The following TTC5 variants were observed in gnomAD, a reference collection of about 807,000 sequenced individuals.
TTC5 encodes the protein tetratricopeptide repeat protein 5.
In TTC5, 46 loss-of-function variants were observed where a neutral mutation model predicts 57.4. The ratio of observed to expected loss-of-function variants is 0.80; its 90% CI spans 0.63 to 1.03. The LOEUF (loss-of-function observed/expected upper bound fraction) is 1.03. TTC5 is among the 50% of genes least tolerant of loss of function. The pLI is 0.00. For synonymous variants in TTC5, 190 were observed against 203.5 expected (o/e 0.93, Z 0.57); for missense variants, 504 against 528.1 (o/e 0.95, Z 0.45).
At position 20,291,723 on chromosome 14, in the gene TTC5, T is replaced by C. The variant is rs187409447; in HGVS notation, c.1203+260A>G. Among the ~76,000 whole-genome samples, 495 of 152,238 alleles carry C rather than the reference T, an allele frequency of 3.3e-3. 3 individuals carry two copies. The highest frequency in any genetic ancestry group is 0.012 in the African/African-American group (480 of 41,546). On this transcript the variant is annotated intron_variant, in intron 9 of 9. Coordinates refer to ENST00000258821, the MANE Select transcript of TTC5 (RefSeq NM_138376.3). Reference sequence around the variant, plus strand: ...AAGACTTCAGGTATATACACCAAACTGTTAACAGTAACAGTTAAAAGGCAG... The same window carrying C: ...AAGACTTCAGGTATATACACCAAACCGTTAACAGTAACAGTTAAAAGGCAG...
chr14:20,295,364 C>CG lies in TTC5; in HGVS notation c.1005dup (p.Val336ArgfsTer9). 6.2e-7 allele frequency: 1 copy of CG among 1,614,146 alleles called. No individual in the cohort carries two copies. Among genetic ancestry groups the CG allele is most frequent in the Non-Finnish European group, 8.5e-7 (1 of 1,180,044 alleles). On this transcript the variant is annotated frameshift_variant, in exon 8 of 10. Coordinates refer to ENST00000258821, the MANE Select transcript of TTC5 (RefSeq NM_138376.3). LOFTEE classifies it high-confidence loss of function. ...CTAAATACCACCTTTCCCAGGATGA[C>CG]GGCACCGCTGTTCACCCCAGGCTGA...
At chr14:20,291,832 AT>A in intron 9 of TTC5, 150 bp downstream of exon 9, 1 of 548,964 alleles carries the variant, frequency 1.8e-6, no homozygotes, top group Non-Finnish European at 2.6e-6. Context: ...ATACATATAT[AT>A]ATATAAATAA....
chr14:20,296,101 T>C (rs573568192), intron 6 of TTC5, among the ~76,000 whole-genome samples: 12 of 152,330 alleles, frequency 7.9e-5, no homozygotes, highest in African/African-American at 2.6e-4. Context: ...TTAAGTTGTA[T>C]ATATTGGCTC....
At chr14:20,302,604 C>T (rs1374506840) in intron 1 of TTC5, among the ~76,000 whole-genome samples, 1 of 152,110 alleles carries the variant, frequency 6.6e-6, no homozygotes, top group Admixed American at 6.5e-5. Context: ...CTTCTGGCTG[C>T]CTTGGATTTT....
intron 6 of TTC5, 50 bp downstream of exon 6, chr14:20,296,340 A>C (rs761314083): frequency 1.5e-6 from 2 of 1,372,230 alleles, no homozygotes. Flanking sequence ...GCTAAGACAT[A>C]GGTGTCTTAT....
intron 1 of TTC5, chr14:20,305,383 T>A (rs1882269253): frequency 6.5e-6 from 1 of 154,926 alleles, no homozygotes; most frequent in Admixed American, 6.4e-5. Context: ...TCTGGACCCC[T>A]CTGCATCAGA....
intron 1 of TTC5, among the ~76,000 whole-genome samples, chr14:20,302,873 G>A (rs1246243148): frequency 6.6e-6 from 1 of 151,978 alleles, no homozygotes; most frequent in Non-Finnish European, 1.5e-5. Context: ...TGTATAAAGT[G>A]TAAATGAAAC....
At position 20,300,791 on chromosome 14, in the gene TTC5, AG is replaced by A; in HGVS notation, c.211del (p.Leu71Ter). On this transcript the variant is annotated frameshift_variant, in exon 3 of 10. Transcript: ENST00000258821. LOFTEE classifies it high-confidence loss of function. ...VGSVQGKAQV[L>X]MLTGKALNVT... is the part of the protein sequence containing the mutation. ...ATTTAGTGCTTTCCCAGTTAGCATT[AG>A]AACTTGTGCCTTGCCCTGGACAGAA... 1 of 1,614,162 alleles carries A rather than the reference AG, an allele frequency of 6.2e-7. No individual in the cohort carries two copies. The highest frequency in any genetic ancestry group is 8.5e-7 in the Non-Finnish European group (1 of 1,180,022).
chr14:20,305,116 TA>T (rs1184285284), intron 1 of TTC5, among the ~76,000 whole-genome samples: 2 of 152,228 alleles, frequency 1.3e-5, no homozygotes, highest in Admixed American at 1.3e-4. Flanking sequence ...TGGAACACTC[TA>T]AAAAGTGTTA....
chr14:20,301,956 C>T lies in TTC5; in HGVS notation c.61G>A (p.Asp21Asn), dbSNP rs771356178. The change falls in exon 2 of 10, where the codon GAT becomes AAT. Residue 21 changes from aspartate (D) to asparagine (N), a missense_variant. Transcript: ENST00000258821. ...CAGTCTCGAAATGAGTAGAGCTGAT[C>T]CACGAGTTCCTAAAAAGTATGACAA... ...PILQKLQELVDQLYSFRDCYF... is the reference protein window; with the variant it reads ...PILQKLQELVNQLYSFRDCYF... 1 of 1,613,958 alleles carries T rather than the reference C, an allele frequency of 6.2e-7. No homozygotes were observed. Among genetic ancestry groups the T allele is most frequent in the Non-Finnish European group, 8.5e-7 (1 of 1,179,930 alleles).
At chr14:20,305,733 G>C in intron 1 of TTC5, 154 bp downstream of exon 1, 1 of 733,516 alleles carries the variant, frequency 1.4e-6, no homozygotes, top group Non-Finnish European at 2.3e-6. Context: ...TCCCTGGCTG[G>C]CTGCGGCTGC....
In TTC5 at chr14:20,299,352, C is replaced by T. The variant is rs778713240; in HGVS notation, c.493G>A (p.Val165Ile). ...DEHSHHVMDS[V>I]RQAKLAVQMD... Reference sequence around the variant, plus strand: ...TGAACAGCCAACTTAGCCTGTCGGACACTGTCCATGACATGGTGAGAATGT... The same window carrying T: ...TGAACAGCCAACTTAGCCTGTCGGATACTGTCCATGACATGGTGAGAATGT... Residue 165 changes from valine to isoleucine, a missense_variant, in exon 4 of 10, where the codon GTC becomes ATC. Val to Ile is a conservative substitution (Grantham distance 29). Transcript: ENST00000258821. 6.2e-7 allele frequency: 1 copy of T among 1,614,148 alleles called. No individual in the cohort carries two copies. The highest frequency in any genetic ancestry group is 1.1e-5 in the South Asian group (1 of 91,080).
At chr14:20,300,157 T>TA (rs1566391974) in intron 3 of TTC5, among the ~76,000 whole-genome samples, 1 of 73,810 alleles carries the variant, frequency 1.4e-5, no homozygotes, top group African/African-American at 6.0e-5. Context: ...ATATATATAT[T>TA]TTTTTTTTTT....
In TTC5 at chr14:20,288,538, C is replaced by A. The variant is rs1204128578; in HGVS notation, c.*1089G>T. 1 of 152,304 alleles carries A rather than the reference C, an allele frequency of 6.6e-6. No individual in the cohort carries two copies. The highest frequency in any genetic ancestry group is 6.5e-5 in the Admixed American group (1 of 15,292). 9.4% of individuals were successfully genotyped at this position (152,304 alleles called of 1,614,324 possible). ...TTCAAGCAATTCTCTGCCTCAGCCT[C>A]CCCAGTAGCTGTGATTACAGGTGCC... On this transcript the variant is annotated 3_prime_UTR_variant, in exon 10 of 10. Transcript: ENST00000258821.
intron 2 of TTC5, 141 bp from the exon 3 acceptor site, chr14:20,300,959 C>A (rs1391319881): frequency 1.3e-5 from 9 of 669,074 alleles, no homozygotes; most frequent in Non-Finnish European, 2.2e-5. Flanking sequence ...TTATTGAAAG[C>A]TCACCATAGG....
intron 5 of TTC5, among the ~76,000 whole-genome samples, chr14:20,298,417 C>A (rs1399212348): frequency 6.6e-6 from 1 of 152,080 alleles, no homozygotes; most frequent in African/African-American, 2.4e-5. Context: ...TTAATTTACA[C>A]TGAAGTATAA....
intron 5 of TTC5, 121 bp downstream of exon 5, chr14:20,298,676 G>GAGATGC (rs1882116638): frequency 1.5e-6 from 1 of 680,780 alleles, no homozygotes; most frequent in Non-Finnish European, 2.5e-6. Context: ...TCACAAAAAT[G>GAGATGC]AGATGCCAGC....
intron 1 of TTC5, among the ~76,000 whole-genome samples, chr14:20,304,497 A>T (rs993936466): frequency 1.3e-5 from 2 of 152,238 alleles, no homozygotes; most frequent in Admixed American, 6.5e-5. Flanking sequence ...AAATGTCTTT[A>T]ACAATGAAAT....
At position 20,305,532 on chromosome 14, in the gene TTC5, G is replaced by C. The variant is rs368469131; in HGVS notation, c.51+355C>G. 7 of 283,244 alleles carry C rather than the reference G, an allele frequency of 2.5e-5. No homozygotes were observed. The East Asian group carries it at 3.7e-4, about 15-fold the overall frequency. 17.5% of individuals were successfully genotyped at this position (283,244 alleles called of 1,614,324 possible). ...AAAGGTGTTAAATGGCTTTTGTAGG[G>C]ATCAAAACAACATGTGACAGTAGTT... On this transcript the variant is annotated intron_variant, in intron 1 of 9. Coordinates refer to ENST00000258821, the MANE Select transcript of TTC5 (RefSeq NM_138376.3).
Sources: allele counts gnomAD v4.1 joint callset (sites outside exome capture counted in the v4.1 genomes callset), GRCh38; gene constraint gnomAD v4.1.1; transcripts MANE v1.5; gene names NCBI Gene and HGNC (gene_info 2026-07-23, HGNC 2026-07-21).